SSH2: variants seen among roughly 807,000 people sequenced by gnomAD.
SSH2 encodes the protein protein phosphatase Slingshot homolog 2.
SSH2 carries 37 observed loss-of-function variants against 135.2 expected under a neutral mutation model. That is an observed-to-expected ratio of 0.27 (90% confidence interval 0.21 to 0.36). The LOEUF is 0.36. SSH2 is among the 10% of genes least tolerant of loss of function. SSH2 has a pLI of 1.00. For missense variants in SSH2, 1,408 were observed against 1,765.3 expected, an observed-to-expected ratio of 0.80 and a Z score of 3.63; for synonymous variants, 628 against 646.2, an observed-to-expected ratio of 0.97 and a Z score of 0.43.
chr17:29,860,862 C>T (rs1230573509), intron 1 of SSH2, among the ~76,000 whole-genome samples: 1 of 151,922 alleles, frequency 6.6e-6, no homozygotes, highest in Non-Finnish European at 1.5e-5. Context: ...TCTCGTGCTT[C>T]AGCCTCCCAA....
intron 3 of SSH2, chr17:29,787,806 A>C (rs1289693278): frequency 2.0e-5 from 3 of 151,272 alleles, no homozygotes; most frequent in African/African-American, 2.4e-5. Flanking sequence ...TTCTTAGCTC[A>C]CCACAGCCTT....
intron 8 of SSH2, among the ~76,000 whole-genome samples, chr17:29,675,127 C>T (rs1291880067): frequency 6.6e-6 from 1 of 152,130 alleles, no homozygotes; most frequent in East Asian, 1.9e-4. Context: ...TCCTGTTTTC[C>T]ATGAGAAACT....
At chr17:29,815,642 C>A (rs2042544966) in intron 2 of SSH2, among the ~76,000 whole-genome samples, 1 of 152,170 alleles carries the variant, frequency 6.6e-6, no homozygotes, top group South Asian at 2.1e-4. Flanking sequence ...TTAAGAGAGA[C>A]TTAATAAGTT....
Position 29,678,713 on chromosome 17 carries a change from C to CTTTTT in SSH2, c.480-977_480-973dup, listed in dbSNP as rs55889704. Reference sequence around the variant, plus strand: ...AGTATGGTATTTAAAAATACTATTTCTTTTTTTTTTTTTTTTTTTGAGACA... The same window carrying CTTTTT: ...AGTATGGTATTTAAAAATACTATTTCTTTTTTTTTTTTTTTTTTTTTTTTGAGACA... On this transcript the variant is annotated intron_variant, in intron 6 of 15. Transcript: ENST00000540801. 1.5e-3 allele frequency among the ~76,000 whole-genome samples: 168 copies of CTTTTT among 112,028 alleles called. 2 individuals carry two copies. Among genetic ancestry groups the CTTTTT allele is most frequent in the Middle Eastern group, 5.7e-3 (1 of 176 alleles). 73.5% of individuals were successfully genotyped at this position (112,028 alleles called of 152,430 possible). A position where few individuals can be genotyped will look rare whatever the true frequency, so the allele number is the denominator to read the frequency against.
intron 1 of SSH2, among the ~76,000 whole-genome samples, chr17:29,922,372 A>G (rs956419267): frequency 2.8e-5 from 4 of 142,692 alleles, no homozygotes; most frequent in South Asian, 4.9e-4. Context: ...TTTGTAATAC[A>G]TCGAGGGTAC....
chr17:29,803,374 T>C (rs1279231185), intron 2 of SSH2, among the ~76,000 whole-genome samples: 1 of 152,118 alleles, frequency 6.6e-6, no homozygotes, highest in Non-Finnish European at 1.5e-5. Flanking sequence ...CCTAGATGGG[T>C]GGAAAGCTGG....
At chr17:29,832,018 T>A (rs2042854254) in intron 2 of SSH2, among the ~76,000 whole-genome samples, 1 of 152,246 alleles carries the variant, frequency 6.6e-6, no homozygotes, top group East Asian at 1.9e-4. Context: ...AATGGACTAT[T>A]CTCTTCTTGT....
chr17:29,695,543 A>C lies in SSH2; in HGVS notation c.293-20T>G. Reference sequence around the variant, plus strand: ...GATCGCCTGGTGAAATTTACAAACCAAAGGATAATTATTCTCCATTCTAAT... The same window carrying C: ...GATCGCCTGGTGAAATTTACAAACCCAAGGATAATTATTCTCCATTCTAAT... On this transcript the variant is annotated intron_variant, in intron 4 of 15. Coordinates refer to ENST00000540801, the MANE Select transcript of SSH2 (RefSeq NM_001282129.2). 6.2e-7 allele frequency: 1 copy of C among 1,601,356 alleles called. No individual in the cohort carries two copies. The highest frequency in any genetic ancestry group is 8.5e-7 in the Non-Finnish European group (1 of 1,171,836).
At chr17:29,733,941 C>T (rs1346887570) in intron 3 of SSH2, among the ~76,000 whole-genome samples, 5 of 139,252 alleles carry the variant, frequency 3.6e-5, no homozygotes, top group African/African-American at 1.4e-4. Flanking sequence ...GATGGAGTCT[C>T]ACTCTGTCGC....
chr17:29,923,922 A>C (rs2067020164), intron 1 of SSH2, among the ~76,000 whole-genome samples: 1 of 150,970 alleles, frequency 6.6e-6, no homozygotes, highest in African/African-American at 2.4e-5. Flanking sequence ...CCAAACCAAA[A>C]CAAACAAACA....
At chr17:29,752,593 A>C (rs2040979994) in intron 3 of SSH2, among the ~76,000 whole-genome samples, 2 of 152,182 alleles carry the variant, frequency 1.3e-5, no homozygotes, top group African/African-American at 4.8e-5. Context: ...TAACACTTTG[A>C]GAATCCTGAG....
intron 3 of SSH2, among the ~76,000 whole-genome samples, chr17:29,747,958 G>A (rs575961437): frequency 6.6e-6 from 1 of 152,226 alleles, no homozygotes; most frequent in South Asian, 2.1e-4. Context: ...TCAGTGTTAA[G>A]TCTAGAGACA....
intron 2 of SSH2, among the ~76,000 whole-genome samples, chr17:29,807,474 G>A (rs1158782632): frequency 6.6e-6 from 1 of 152,110 alleles, no homozygotes. Context: ...AGTCTATAGG[G>A]GACACAGAAA....
chr17:29,700,829 G>C (rs902649483), intron 4 of SSH2, among the ~76,000 whole-genome samples: 1 of 152,022 alleles, frequency 6.6e-6, no homozygotes, highest in Non-Finnish European at 1.5e-5. Flanking sequence ...TCATTCTGTC[G>C]CCCAGGCTGG....
chr17:29,851,562 C>T (rs923096409), intron 1 of SSH2, among the ~76,000 whole-genome samples: 22 of 151,958 alleles, frequency 1.4e-4, no homozygotes, highest in South Asian at 2.1e-4. Flanking sequence ...CATAGCACTC[C>T]AGCCTGGGCA....
At chr17:29,663,874 ATGTTACACTCATT>A (rs1480705544) in intron 11 of SSH2, among the ~76,000 whole-genome samples, 1 of 152,202 alleles carries the variant, frequency 6.6e-6, no homozygotes, top group Non-Finnish European at 1.5e-5. Flanking sequence ...GCTGTAACAA[ATGTTACACTCATT>A]TGTTACACTC....
At chr17:29,780,548 C>T (rs1349718779) in intron 3 of SSH2, 1 of 151,570 alleles carries the variant, frequency 6.6e-6, no homozygotes, top group Admixed American at 6.6e-5. Context: ...CCTCAGCTTC[C>T]CAAGTAGCAG....
intron 1 of SSH2, among the ~76,000 whole-genome samples, chr17:29,887,694 T>G (rs1408723886): frequency 6.6e-6 from 1 of 152,190 alleles, no homozygotes; most frequent in Non-Finnish European, 1.5e-5. Context: ...CTTATTTCTT[T>G]CTCTTTGAAG....
intron 6 of SSH2, among the ~76,000 whole-genome samples, chr17:29,680,352 C>T (rs1271446570): frequency 6.6e-6 from 1 of 151,324 alleles, no homozygotes; most frequent in Non-Finnish European, 1.5e-5. Context: ...CAAGACCAGC[C>T]TGGCCAACAT....
Sources: allele counts gnomAD v4.1 joint callset (sites outside exome capture counted in the v4.1 genomes callset), GRCh38; gene constraint gnomAD v4.1.1; transcripts MANE v1.5; gene names NCBI Gene and HGNC (gene_info 2026-07-23, HGNC 2026-07-21).